DCLK2: variants seen among roughly 807,000 people sequenced by gnomAD.
The protein encoded by DCLK2 is doublecortin like kinase 2.
DCLK2 carries 31 observed loss-of-function variants against 78.4 expected under a neutral mutation model. The observed-to-expected ratio is 0.40, with a 90% confidence interval of 0.30 to 0.53. The LOEUF (loss-of-function observed/expected upper bound fraction) is 0.53. Ranked by LOEUF, DCLK2 falls within the 20% of genes least tolerant of loss-of-function variation. The pLI, the probability that DCLK2 is intolerant of heterozygous loss-of-function variation, is 0.61. For missense variants in DCLK2, 872 were observed against 973.7 expected, an observed-to-expected ratio of 0.90 and a Z score of 1.39; for synonymous variants, 407 against 374.9, an observed-to-expected ratio of 1.09 and a Z score of -0.99.
At chr4:150,211,094 C>A (rs752802867) in intron 5 of DCLK2, among the ~76,000 whole-genome samples, 4 of 152,270 alleles carry the variant, frequency 2.6e-5, no homozygotes, top group African/African-American at 4.8e-5. Flanking sequence ...GGCTCAAGAT[C>A]TCTCATGAGG....
chr4:150,206,970 A>G (rs1322453879), intron 5 of DCLK2, among the ~76,000 whole-genome samples: 1 of 152,056 alleles, frequency 6.6e-6, no homozygotes, highest in Non-Finnish European at 1.5e-5. Flanking sequence ...TTTTTTATTC[A>G]GTGGCATGAC....
chr4:150,152,606 A>C (rs1033053247), intron 2 of DCLK2, among the ~76,000 whole-genome samples: 3 of 152,190 alleles, frequency 2.0e-5, no homozygotes, highest in African/African-American at 7.2e-5. Flanking sequence ...CATATTCAGA[A>C]TAGAGAAGTG....
At chr4:150,145,127 A>G (rs1329287252) in intron 2 of DCLK2, among the ~76,000 whole-genome samples, 1 of 151,864 alleles carries the variant, frequency 6.6e-6, no homozygotes, top group Non-Finnish European at 1.5e-5. Context: ...TTTTGTTGCT[A>G]TTGTAAATGG....
chr4:150,230,683 A>G (rs1030329877), intron 8 of DCLK2, among the ~76,000 whole-genome samples: 6 of 152,186 alleles, frequency 3.9e-5, no homozygotes, highest in African/African-American at 9.7e-5. Context: ...ATGTGAATCA[A>G]TGGAGAGGGT....
At chr4:150,182,272 C>T (rs1737587848) in intron 2 of DCLK2, among the ~76,000 whole-genome samples, 1 of 152,038 alleles carries the variant, frequency 6.6e-6, no homozygotes, top group African/African-American at 2.4e-5. Flanking sequence ...GTCTTGAGCT[C>T]CCGGCCTCAA....
At chr4:150,153,847 G>A (rs2150232692) in intron 2 of DCLK2, among the ~76,000 whole-genome samples, 1 of 152,256 alleles carries the variant, frequency 6.6e-6, no homozygotes, top group African/African-American at 2.4e-5. Flanking sequence ...AAACCAGGAA[G>A]CCCAAGTGCT....
intron 12 of DCLK2, among the ~76,000 whole-genome samples, chr4:150,242,522 A>T (rs1743001850): frequency 6.6e-6 from 1 of 152,172 alleles, no homozygotes; most frequent in Non-Finnish European, 1.5e-5. Context: ...AGTTGAGTGA[A>T]TCTTCTGAGC....
At chr4:150,149,979 T>A (rs1043918629) in intron 2 of DCLK2, among the ~76,000 whole-genome samples, 2 of 152,214 alleles carry the variant, frequency 1.3e-5, no homozygotes, top group African/African-American at 4.8e-5. Context: ...GCTTTTTTGT[T>A]CAAAGAGCAT....
chr4:150,079,080 G>A lies in DCLK2; in HGVS notation c.53G>A (p.Arg18Lys), dbSNP rs779169738. ...GAGCACTTTGAGGAACGGGACAAAA[G>A]GCCGCGGCCGGGGTCGCGGAGAGGG... The part of the protein sequence containing the change: ...ELEHFEERDK[R>K]PRPGSRRGAP... The change falls in exon 1 of 16, where the codon AGG (arginine) becomes AAG (lysine). Residue 18 changes from arginine to lysine, a missense_variant. Around this residue, in one of 3 missense-constraint regions of DCLK2, gnomAD observed 567 missense variants for 593.4 expected, o/e 0.96. Transcript: ENST00000296550. 3.2e-6 allele frequency: 5 copies of A among 1,563,906 alleles called. No individual in the cohort carries two copies. The highest frequency in any genetic ancestry group is 1.4e-5 in the African/African-American group (1 of 73,152).
chr4:150,185,642 A>T (rs1160573437), intron 2 of DCLK2, among the ~76,000 whole-genome samples: 2 of 151,328 alleles, frequency 1.3e-5, no homozygotes, highest in African/African-American at 4.9e-5. Context: ...TGAACCGGGG[A>T]GGTGGAGGTT....
chr4:150,134,262 A>G (rs992443911), intron 2 of DCLK2, among the ~76,000 whole-genome samples: 1 of 151,670 alleles, frequency 6.6e-6, no homozygotes, highest in Non-Finnish European at 1.5e-5. Flanking sequence ...TGTATTTTTT[A>G]GTAGAGATGC....
intron 2 of DCLK2, among the ~76,000 whole-genome samples, chr4:150,107,378 G>GTTTTT (rs201080236): frequency 0.034 from 4,233 of 125,048 alleles, 309 homozygotes; most frequent in African/African-American, 0.12. Flanking sequence ...TTTGGTTATT[G>GTTTTT]TTTTTTTTTT....
At chr4:150,170,652 G>A (rs1438326864) in intron 2 of DCLK2, among the ~76,000 whole-genome samples, 1 of 152,130 alleles carries the variant, frequency 6.6e-6, no homozygotes, top group Non-Finnish European at 1.5e-5. Context: ...TAGTTTACTT[G>A]GTCTGATATC....
At chr4:150,201,989 C>A (rs1469094328) in intron 4 of DCLK2, among the ~76,000 whole-genome samples, 1 of 152,164 alleles carries the variant, frequency 6.6e-6, no homozygotes, top group South Asian at 2.1e-4. Context: ...TCCTTGCCTG[C>A]AGACTTGCGT....
chr4:150,230,524 T>C (rs973914266), intron 8 of DCLK2, among the ~76,000 whole-genome samples: 3 of 152,212 alleles, frequency 2.0e-5, no homozygotes, highest in Admixed American at 1.3e-4. Context: ...AAAACCTATT[T>C]AATGACAGTA....
intron 2 of DCLK2, among the ~76,000 whole-genome samples, chr4:150,142,834 G>C (rs1320746789): frequency 4.0e-5 from 6 of 149,946 alleles, no homozygotes; most frequent in African/African-American, 1.5e-4. Context: ...TTTAGACTCA[G>C]GAGGAACATG....
chr4:150,164,548 C>T (rs1735930375), intron 2 of DCLK2, among the ~76,000 whole-genome samples: 1 of 152,136 alleles, frequency 6.6e-6, no homozygotes, highest in Non-Finnish European at 1.5e-5. Flanking sequence ...CCTGTAATCC[C>T]AGCACTTTGG....
At chr4:150,176,634 T>C (rs898458154) in intron 2 of DCLK2, among the ~76,000 whole-genome samples, 1 of 152,198 alleles carries the variant, frequency 6.6e-6, no homozygotes, top group Non-Finnish European at 1.5e-5. Context: ...TTGGAAAATA[T>C]CCAAGAAGTA....
chr4:150,228,040 T>C lies in DCLK2; in HGVS notation c.1299+3482T>C, dbSNP rs117575592. On this transcript the variant is annotated intron_variant, in intron 8 of 15. Transcript: ENST00000296550. ...AAGCATCCAGTGACCAGCAGTATTC[T>C]TGGGTTGTGATCATATCCCACCAGT... is the stretch of plus-strand genomic sequence containing the variant. Among the ~76,000 whole-genome samples, 677 of 152,314 alleles carry C rather than the reference T, an allele frequency of 4.4e-3. 19 individuals carry two copies. The highest frequency in any genetic ancestry group is 0.041 in the Admixed American group (629 of 15,290).
Sources: allele counts gnomAD v4.1 joint callset (sites outside exome capture counted in the v4.1 genomes callset), GRCh38; gene constraint gnomAD v4.1.1; regional missense constraint gnomAD v4.1.1; transcripts MANE v1.5; gene names NCBI Gene and HGNC (gene_info 2026-07-23, HGNC 2026-07-21).